BRINP3: variants seen among roughly 807,000 people sequenced by gnomAD.
BRINP3 encodes BMP/retinoic acid inducible neural specific 3, also known as BMP/retinoic acid-inducible neural-specific protein 3.
Under a neutral mutation model 71.0 loss-of-function variants are expected in BRINP3, and 19 were observed. The ratio of observed to expected loss-of-function variants is 0.27; its 90% CI spans 0.19 to 0.39. The LOEUF (loss-of-function observed/expected upper bound fraction) is 0.39. BRINP3 is among the 10% of genes least tolerant of loss of function. The probability of loss-of-function intolerance (pLI) is 1.00; values close to 1 mark genes in which losing one functional copy is unlikely to be tolerated. For missense variants in BRINP3, 959 were observed against 940.8 expected (o/e 1.02, Z -0.25); for synonymous variants, 380 against 337.7 (o/e 1.13, Z -1.37).
intron 2 of BRINP3, among the ~76,000 whole-genome samples, chr1:190,325,801 G>A (rs1330524693): frequency 6.6e-6 from 1 of 151,990 alleles, no homozygotes; most frequent in African/African-American, 2.4e-5. Flanking sequence ...ATTTCTGCAT[G>A]TACATAACAA....
At chr1:190,198,083 C>T (rs75442629) in intron 6 of BRINP3, among the ~76,000 whole-genome samples, 2,724 of 152,024 alleles carry the variant, frequency 0.018, 78 homozygotes, top group African/African-American at 0.062. Context: ...AGGCTTGAAG[C>T]TACCAACCCT....
chr1:190,388,988 G>C (rs184377825), intron 2 of BRINP3, among the ~76,000 whole-genome samples: 2 of 151,646 alleles, frequency 1.3e-5, no homozygotes, highest in Non-Finnish European at 2.9e-5. Context: ...AGGCACAAGA[G>C]TAGATATTTA....
chr1:190,327,885 T>C (rs1450050144), intron 2 of BRINP3, among the ~76,000 whole-genome samples: 1 of 152,126 alleles, frequency 6.6e-6, no homozygotes, highest in Non-Finnish European at 1.5e-5. Flanking sequence ...TACTCAAAGA[T>C]TGATTACATT....
intron 1 of BRINP3, among the ~76,000 whole-genome samples, chr1:190,470,149 T>C (rs1677034320): frequency 6.6e-6 from 1 of 151,030 alleles, no homozygotes; most frequent in Non-Finnish European, 1.5e-5. Context: ...ATTTTAGAGA[T>C]AGCTTTTAAA....
chr1:190,138,496 G>C (rs1197475859), intron 7 of BRINP3, among the ~76,000 whole-genome samples: 1 of 152,170 alleles, frequency 6.6e-6, no homozygotes, highest in Non-Finnish European at 1.5e-5. Context: ...TGACTTGGTA[G>C]CTCATTGCAG....
chr1:190,161,506 C>A (rs188354114), intron 6 of BRINP3, among the ~76,000 whole-genome samples: 1 of 151,878 alleles, frequency 6.6e-6, no homozygotes, highest in African/African-American at 2.4e-5. Flanking sequence ...TTATGACTAA[C>A]CATTTAAAAC....
chr1:190,144,056 T>C (rs1655681910), intron 7 of BRINP3, among the ~76,000 whole-genome samples: 1 of 152,252 alleles, frequency 6.6e-6, no homozygotes, highest in East Asian at 1.9e-4. Flanking sequence ...TCCTCCCTAT[T>C]TGTTGTACAA....
intron 2 of BRINP3, among the ~76,000 whole-genome samples, chr1:190,302,233 A>ATATATATACATAAATTTATATATATATTT (rs1331203173): frequency 3.4e-4 from 50 of 148,000 alleles, no homozygotes; most frequent in African/African-American, 1.1e-3. Context: ...CAAGAAGTGT[A>ATATATATACATAAATTTATATATATATTT]TATATATACA....
At chr1:190,328,160 A>G (rs760713319) in intron 2 of BRINP3, among the ~76,000 whole-genome samples, 37 of 152,080 alleles carry the variant, frequency 2.4e-4, no homozygotes, top group Non-Finnish European at 4.3e-4. Flanking sequence ...CTAGAAAAAG[A>G]AACAAAGTGA....
chr1:190,384,615 G>A (rs905134974), intron 2 of BRINP3, among the ~76,000 whole-genome samples: 37 of 151,832 alleles, frequency 2.4e-4, no homozygotes, highest in African/African-American at 8.5e-4. Context: ...ACTACTCCAA[G>A]TCTTTTTCTG....
chr1:190,420,261 C>T (rs2102454985), intron 2 of BRINP3, among the ~76,000 whole-genome samples: 1 of 152,092 alleles, frequency 6.6e-6, no homozygotes, highest in African/African-American at 2.4e-5. Flanking sequence ...ACTCACTAAA[C>T]AGTCTGTGTT....
chr1:190,133,906 A>C (rs1309026841), intron 7 of BRINP3, among the ~76,000 whole-genome samples: 1 of 152,074 alleles, frequency 6.6e-6, no homozygotes, highest in Non-Finnish European at 1.5e-5. Flanking sequence ...AAATCTCTGT[A>C]TGTAAGTTAA....
intron 4 of BRINP3, among the ~76,000 whole-genome samples, chr1:190,241,471 C>T (rs892143229): frequency 6.6e-6 from 1 of 151,974 alleles, no homozygotes; most frequent in Non-Finnish European, 1.5e-5. Context: ...TTAATTCTCT[C>T]TCTCTCTCTC....
intron 2 of BRINP3, among the ~76,000 whole-genome samples, chr1:190,355,363 T>A (rs983096533): frequency 6.6e-6 from 1 of 151,840 alleles, no homozygotes; most frequent in Non-Finnish European, 1.5e-5. Context: ...ACACCACTCA[T>A]AAGATTTGTA....
chr1:190,340,370 A>C (rs183651180), intron 2 of BRINP3, among the ~76,000 whole-genome samples: 134 of 151,930 alleles, frequency 8.8e-4, no homozygotes, highest in African/African-American at 3.2e-3. Flanking sequence ...CTCATAATCA[A>C]ATCTTTGAAG....
chr1:190,138,046 C>G (rs1655121800), intron 7 of BRINP3, among the ~76,000 whole-genome samples: 1 of 152,056 alleles, frequency 6.6e-6, no homozygotes, highest in Non-Finnish European at 1.5e-5. Context: ...CCTCTGCCTC[C>G]CAGGTTCAAG....
At position 190,419,667 on chromosome 1, in the gene BRINP3, C is replaced by T. The variant is rs74527942; in HGVS notation, c.236+34988G>A. On this transcript the variant is annotated intron_variant, in intron 2 of 7. Transcript: ENST00000367462. ...CTCTGTTCAGTTCCTAGTTTTAAAA[C>T]GTTATATTCACATATACATTTATAC... 1.9e-3 allele frequency among the ~76,000 whole-genome samples: 267 copies of T among 144,286 alleles called. 1 individual carries two copies. Among genetic ancestry groups the T allele is most frequent in the African/African-American group, 6.5e-3 (255 of 39,058 alleles). 94.7% of individuals were successfully genotyped at this position (144,286 alleles called of 152,430 possible).
intron 6 of BRINP3, among the ~76,000 whole-genome samples, chr1:190,172,275 T>C (rs1652084362): frequency 6.6e-6 from 1 of 151,290 alleles, no homozygotes; most frequent in Admixed American, 6.6e-5. Flanking sequence ...CCCTCAAATA[T>C]TTAAATATTG....
chr1:190,153,730 T>C (rs976295433), intron 7 of BRINP3, among the ~76,000 whole-genome samples: 1 of 152,250 alleles, frequency 6.6e-6, no homozygotes, highest in Admixed American at 6.5e-5. Flanking sequence ...CCATGGTGGC[T>C]CATGCCTGTA....
Sources: allele counts gnomAD v4.1 joint callset (sites outside exome capture counted in the v4.1 genomes callset), GRCh38; gene constraint gnomAD v4.1.1; transcripts MANE v1.5; gene names NCBI Gene and HGNC (gene_info 2026-07-23, HGNC 2026-07-21).